The following LRBA variants were observed in gnomAD, a reference collection of about 807,000 sequenced individuals.
LRBA encodes LPS responsive beige-like anchor protein.
A neutral mutation model predicts 330.0 loss-of-function variants in LRBA; 176 were observed. The ratio of observed to expected loss-of-function variants is 0.53; its 90% CI spans 0.47 to 0.60. The LOEUF is 0.60. Among genes scored for constraint, LRBA ranks in the 20% least tolerant of loss-of-function variants. LRBA has a pLI of 0.00. For missense variants in LRBA, 3,259 were observed against 3,444.8 expected, an observed-to-expected ratio of 0.95 and a Z score of 1.35; for synonymous variants, 1,230 against 1,193.0, an observed-to-expected ratio of 1.03 and a Z score of -0.64.
At chr4:150,835,185 C>T (rs1215367949) in intron 28 of LRBA, among the ~76,000 whole-genome samples, 1 of 152,100 alleles carries the variant, frequency 6.6e-6, no homozygotes, top group Non-Finnish European at 1.5e-5. Context: ...CATACCAGTA[C>T]CATGCTGTTT....
chr4:150,661,549 C>T (rs1345663121), intron 37 of LRBA, among the ~76,000 whole-genome samples: 1 of 149,482 alleles, frequency 6.7e-6, no homozygotes, highest in Non-Finnish European at 1.5e-5. Flanking sequence ...AAATATTTTA[C>T]AAAATAATTC....
chr4:150,333,306 T>G (rs976631793), intron 48 of LRBA, among the ~76,000 whole-genome samples: 4 of 152,122 alleles, frequency 2.6e-5, no homozygotes, highest in Non-Finnish European at 5.9e-5. Context: ...TATGCCCTTT[T>G]TTTTAAGCAC....
intron 46 of LRBA, chr4:150,422,944 T>A: frequency 1.3e-6 from 1 of 786,188 alleles, no homozygotes; most frequent in Non-Finnish European, 2.3e-6. Context: ...GACTTCATTC[T>A]TAATGACGTT....
chr4:150,757,416 T>C (rs1418783953), intron 35 of LRBA, among the ~76,000 whole-genome samples: 2 of 152,324 alleles, frequency 1.3e-5, no homozygotes, highest in South Asian at 2.1e-4. Flanking sequence ...TTAGACCTTA[T>C]GCTGTAGTCT....
At chr4:150,981,477 T>C (rs1277932499) in intron 2 of LRBA, among the ~76,000 whole-genome samples, 1 of 149,614 alleles carries the variant, frequency 6.7e-6, no homozygotes, top group Non-Finnish European at 1.5e-5. Context: ...TAGCCAAAGC[T>C]ATCCTGAGCA....
intron 47 of LRBA, among the ~76,000 whole-genome samples, chr4:150,352,405 T>G (rs1197534911): frequency 6.6e-6 from 1 of 152,214 alleles, no homozygotes; most frequent in Non-Finnish European, 1.5e-5. Context: ...ATCACAAATA[T>G]AAAATTGAAA....
chr4:150,784,473 GTGTGTAGAACATCAT>G (rs1738740384), intron 34 of LRBA, among the ~76,000 whole-genome samples: 1 of 152,182 alleles, frequency 6.6e-6, no homozygotes, highest in South Asian at 2.1e-4. Context: ...ATATCCCCAT[GTGTGTAGAACATCAT>G]GGTGCCCTGT....
chr4:150,940,239 T>TA (rs11455731), intron 2 of LRBA, among the ~76,000 whole-genome samples: 131,603 of 142,472 alleles, frequency 0.92, 60,914 homozygotes, highest in East Asian at 0.99. Context: ...CCTGGTCTCT[T>TA]AAAAAAAAAA....
intron 46 of LRBA, among the ~76,000 whole-genome samples, chr4:150,417,647 C>T (rs1747971165): frequency 6.6e-6 from 1 of 152,080 alleles, no homozygotes; most frequent in Non-Finnish European, 1.5e-5. Flanking sequence ...CTCCTAGATT[C>T]AAAGCAATAA....
At chr4:150,760,804 A>G (rs1223884303) in intron 35 of LRBA, among the ~76,000 whole-genome samples, 1 of 152,178 alleles carries the variant, frequency 6.6e-6, no homozygotes, top group Non-Finnish European at 1.5e-5. Context: ...ATTTAGCATG[A>G]AGTATTATAA....
intron 40 of LRBA, among the ~76,000 whole-genome samples, chr4:150,514,678 G>T (rs1044323026): frequency 6.6e-6 from 1 of 152,056 alleles, no homozygotes; most frequent in Non-Finnish European, 1.5e-5. Context: ...AAAGGCATAC[G>T]AGGCAGAAAA....
chr4:150,905,136 T>C (rs952722036), intron 13 of LRBA, among the ~76,000 whole-genome samples: 1 of 152,188 alleles, frequency 6.6e-6, no homozygotes, highest in African/African-American at 2.4e-5. Context: ...TTTGTTCATA[T>C]ACCTTACCAC....
intron 2 of LRBA, among the ~76,000 whole-genome samples, chr4:151,008,878 TAGA>T (rs1744435994): frequency 6.8e-6 from 1 of 146,712 alleles, no homozygotes; most frequent in Non-Finnish European, 1.5e-5. Context: ...GAGGCTGAGA[TAGA>T]ATTGCTTGAA....
At chr4:150,635,105 G>A (rs1383671869) in intron 37 of LRBA, among the ~76,000 whole-genome samples, 1 of 152,156 alleles carries the variant, frequency 6.6e-6, no homozygotes, top group Non-Finnish European at 1.5e-5. Flanking sequence ...AGGTTAATCA[G>A]AAGTCAACAT....
intron 40 of LRBA, among the ~76,000 whole-genome samples, chr4:150,587,014 A>T (rs954500163): frequency 6.6e-6 from 1 of 152,164 alleles, no homozygotes; most frequent in African/African-American, 2.4e-5. Flanking sequence ...TCTACATTGG[A>T]TTAGTTAACT....
At chr4:150,891,052 G>C (rs1196594193) in intron 17 of LRBA, among the ~76,000 whole-genome samples, 1 of 152,086 alleles carries the variant, frequency 6.6e-6, no homozygotes, top group African/African-American at 2.4e-5. Flanking sequence ...AATCTGCCAA[G>C]CCTTTACATA....
intron 17 of LRBA, among the ~76,000 whole-genome samples, chr4:150,886,520 A>T (rs1443140322): frequency 6.6e-6 from 1 of 152,202 alleles, no homozygotes; most frequent in Non-Finnish European, 1.5e-5. Flanking sequence ...TAATTCCTGA[A>T]TGAAGCATAT....
At chr4:150,963,406 C>G (rs556252549) in intron 2 of LRBA, among the ~76,000 whole-genome samples, 1 of 149,756 alleles carries the variant, frequency 6.7e-6, no homozygotes, top group African/African-American at 2.6e-5. Context: ...GGGCTGGTCT[C>G]CAGCTCCTGA....
At chr4:150,349,702 A>T (rs1736880832) in intron 48 of LRBA, among the ~76,000 whole-genome samples, 1 of 152,210 alleles carries the variant, frequency 6.6e-6, no homozygotes, top group Non-Finnish European at 1.5e-5. Flanking sequence ...TTCCTACAAA[A>T]ATCATGAGTA....
Sources: allele counts gnomAD v4.1 joint callset (sites outside exome capture counted in the v4.1 genomes callset), GRCh38; gene constraint gnomAD v4.1.1; transcripts MANE v1.5; gene names NCBI Gene and HGNC (gene_info 2026-07-23, HGNC 2026-07-21).